FARP1: variants seen among roughly 807,000 people sequenced by gnomAD.
FARP1 encodes the protein FERM, ARH/RhoGEF and pleckstrin domain protein 1.
Under a neutral mutation model 128.8 loss-of-function variants are expected in FARP1, and 52 were observed. The ratio of observed to expected loss-of-function variants is 0.40; its 90% CI spans 0.32 to 0.51. FARP1 has a LOEUF of 0.51. Among genes scored for constraint, FARP1 ranks in the 20% least tolerant of loss-of-function variants. The probability of loss-of-function intolerance (pLI) is 0.45; values close to 1 mark genes in which losing one functional copy is unlikely to be tolerated. For missense variants in FARP1, 1,333 were observed against 1,367.9 expected (o/e 0.97, Z 0.40); for synonymous variants, 580 against 551.8 (o/e 1.05, Z -0.72).
chr13:98,294,911 G>C (rs1885594858), intron 2 of FARP1, among the ~76,000 whole-genome samples: 1 of 151,898 alleles, frequency 6.6e-6, no homozygotes, highest in South Asian at 2.1e-4. Flanking sequence ...CAGCTACTGG[G>C]GAAGCTGAGG....
intron 2 of FARP1, among the ~76,000 whole-genome samples, chr13:98,294,878 G>T (rs1165768850): frequency 6.6e-6 from 1 of 151,852 alleles, no homozygotes; most frequent in African/African-American, 2.4e-5. Flanking sequence ...TTAGCTGGGC[G>T]TGGTGGAGGG....
chr13:98,237,472 A>G (rs567672134), intron 2 of FARP1, among the ~76,000 whole-genome samples: 5 of 152,348 alleles, frequency 3.3e-5, no homozygotes, highest in African/African-American at 9.6e-5. Context: ...CCAGTCTCAT[A>G]GCCACTTCCT....
intron 2 of FARP1, among the ~76,000 whole-genome samples, chr13:98,327,641 T>C (rs1296452879): frequency 6.6e-6 from 1 of 152,212 alleles, no homozygotes; most frequent in Admixed American, 6.5e-5. Flanking sequence ...CTTTCCCTCT[T>C]GTCCATGGGG....
intron 2 of FARP1, among the ~76,000 whole-genome samples, chr13:98,268,823 C>T (rs1884259652): frequency 7.0e-6 from 1 of 141,880 alleles, no homozygotes; most frequent in Non-Finnish European, 1.5e-5. Flanking sequence ...TGTGTGTATA[C>T]AGCTTCCCAA....
intron 1 of FARP1, among the ~76,000 whole-genome samples, chr13:98,187,413 T>A (rs1878949842): frequency 6.6e-6 from 1 of 152,034 alleles, no homozygotes; most frequent in South Asian, 2.1e-4. Flanking sequence ...AGCTCCCAAA[T>A]AGAGGGGAAT....
Position 98,385,823 on chromosome 13 carries a change from C to G in FARP1, c.759+9C>G, listed in dbSNP as rs750082690. ...GAATTCTAGTGTTTCAGGTGAGAGC[C>G]TTGAGAACACGGCCTGGTTCCCTTG... On this transcript the variant is annotated intron_variant, in intron 8 of 26. Coordinates refer to ENST00000319562, the MANE Select transcript of FARP1 (RefSeq NM_005766.4). 4 of 1,613,414 alleles carry G rather than the reference C, an allele frequency of 2.5e-6. No individual in the cohort carries two copies. The South Asian group carries it at 4.4e-5, about 18-fold the overall frequency.
intron 1 of FARP1, among the ~76,000 whole-genome samples, chr13:98,179,771 G>A (rs1878371452): frequency 6.6e-6 from 1 of 152,078 alleles, no homozygotes; most frequent in African/African-American, 2.4e-5. Flanking sequence ...GCAGGAGAAT[G>A]GCGTGAACCC....
At chr13:98,321,988 T>C (rs977798046) in intron 2 of FARP1, among the ~76,000 whole-genome samples, 3 of 152,182 alleles carry the variant, frequency 2.0e-5, no homozygotes, top group Non-Finnish European at 2.9e-5. Flanking sequence ...AAAATGGGTA[T>C]TGTTTGATTG....
chr13:98,152,007 C>T (rs1210897261), intron 1 of FARP1, among the ~76,000 whole-genome samples: 6 of 152,034 alleles, frequency 3.9e-5, no homozygotes, highest in Non-Finnish European at 5.9e-5. Context: ...TGCTCTTTCC[C>T]GAAAACCTCA....
intron 13 of FARP1, chr13:98,405,969 C>T (rs1333233665): frequency 1.3e-5 from 2 of 152,212 alleles, no homozygotes; most frequent in Non-Finnish European, 2.9e-5. Context: ...AAACCGGGCT[C>T]ATTTTACCTA....
intron 5 of FARP1, among the ~76,000 whole-genome samples, chr13:98,370,593 G>A (rs1411579539): frequency 6.6e-6 from 1 of 150,792 alleles, no homozygotes; most frequent in African/African-American, 2.4e-5. Context: ...AGATGGTGTT[G>A]GGGGTTACTA....
chr13:98,245,277 A>G (rs1882995063), intron 2 of FARP1: 1 of 984,594 alleles, frequency 1.0e-6, no homozygotes, highest in Non-Finnish European at 1.2e-6. Context: ...GCCATTTAGA[A>G]AGGCGAATAA....
In FARP1 at chr13:98,368,157, T is replaced by C. The variant is rs866409837; in HGVS notation, c.360T>C (p.Phe120=). ...HVVVKFVVKF[F]PPDHTQLQEE... is the part of the protein sequence containing the mutation. ...TTGTTAAGTTTGTGGTGAAATTCTTTCCGCCTGACCACACACAACTCCAAG... is the reference window on the plus strand; with the variant it reads ...TTGTTAAGTTTGTGGTGAAATTCTTCCCGCCTGACCACACACAACTCCAAG... The change falls in exon 5 of 27, where the codon TTT becomes TTC. Residue 120 remains phenylalanine (F), a synonymous_variant. Transcript: ENST00000319562. 4.3e-6 allele frequency: 7 copies of C among 1,614,056 alleles called. No homozygotes were observed. The Admixed American group carries it at 1.2e-4, about 27-fold the overall frequency.
chr13:98,188,950 G>A (rs1879058387), intron 1 of FARP1, among the ~76,000 whole-genome samples: 1 of 152,196 alleles, frequency 6.6e-6, no homozygotes, highest in Admixed American at 6.5e-5. Context: ...GAGGTTACAA[G>A]TCCAGCTTGG....
chr13:98,448,681 C>A lies in FARP1; in HGVS notation c.*364C>A, dbSNP rs932583818. On this transcript the variant is annotated 3_prime_UTR_variant, in exon 27 of 27. Coordinates refer to ENST00000319562, the MANE Select transcript of FARP1 (RefSeq NM_005766.4). Reference sequence around the variant, plus strand: ...AGTGTTTTTCTTCCTAAAAAAAGTTCTTTCTTTTATTATTTTCACCTATTG... The same window carrying A: ...AGTGTTTTTCTTCCTAAAAAAAGTTATTTCTTTTATTATTTTCACCTATTG... The A allele has an allele frequency of 4.9e-5, 9 of 183,076 alleles. No homozygotes were observed. Among genetic ancestry groups the A allele is most frequent in the Admixed American group, 4.7e-4 (8 of 16,852 alleles). 11.3% of individuals were successfully genotyped at this position (183,076 alleles called of 1,614,324 possible).
At position 98,408,991 on chromosome 13, in the gene FARP1, C is replaced by T. The variant is rs1176395335; in HGVS notation, c.1415-347C>T. Among the ~76,000 whole-genome samples the T allele has an allele frequency of 2.0e-5, 3 of 152,176 alleles. No homozygotes were observed. In the East Asian group the frequency reaches 5.8e-4, roughly 29 times the overall value. ...TCCCCATGTCTCATTGTGACATAGA[C>T]ACTGTGTCTTTCTTGAGTAATTCTT... On this transcript the variant is annotated intron_variant, in intron 13 of 26. Transcript: ENST00000319562.
At chr13:98,159,239 G>T (rs766958657) in intron 1 of FARP1, among the ~76,000 whole-genome samples, 3 of 152,130 alleles carry the variant, frequency 2.0e-5, no homozygotes, top group Admixed American at 6.5e-5. Context: ...ATTTTTACTT[G>T]ACCATTCAAT....
intron 2 of FARP1, among the ~76,000 whole-genome samples, chr13:98,229,313 A>AT (rs932711337): frequency 6.6e-5 from 10 of 152,134 alleles, no homozygotes; most frequent in African/African-American, 2.2e-4. Context: ...GCAGTGTGGG[A>AT]TTTTTTTGCA....
intron 2 of FARP1, among the ~76,000 whole-genome samples, chr13:98,310,053 T>C (rs1886388858): frequency 6.7e-6 from 1 of 149,916 alleles, no homozygotes; most frequent in Admixed American, 6.7e-5. Flanking sequence ...TCCAATCTGC[T>C]CTTTTGTTCC....
Sources: allele counts gnomAD v4.1 joint callset (sites outside exome capture counted in the v4.1 genomes callset), GRCh38; gene constraint gnomAD v4.1.1; transcripts MANE v1.5; gene names NCBI Gene and HGNC (gene_info 2026-07-23, HGNC 2026-07-21).